The following KCNT2 variants were observed in gnomAD, a reference collection of about 807,000 sequenced individuals.
KCNT2 encodes potassium channel subfamily T member 2.
KCNT2 carries 67 observed loss-of-function variants against 153.8 expected under a neutral mutation model. The observed-to-expected ratio is 0.44, with a 90% CI of 0.36 to 0.53. The LOEUF (loss-of-function observed/expected upper bound fraction) is 0.53. Among genes scored for constraint, KCNT2 ranks in the 20% least tolerant of loss-of-function variants. The pLI, the probability that KCNT2 is intolerant of heterozygous loss-of-function variation, is 0.00. For synonymous variants in KCNT2, 500 were observed against 458.8 expected (o/e 1.09, Z -1.15); for missense variants, 975 against 1,354.8 (o/e 0.72, Z 4.40).
intron 1 of KCNT2, among the ~76,000 whole-genome samples, chr1:196,601,151 C>T (rs1410097883): frequency 1.3e-5 from 2 of 152,218 alleles, no homozygotes; most frequent in Non-Finnish European, 2.9e-5. Flanking sequence ...GCCTTTTAGG[C>T]AAGCTGCTCC....
intron 14 of KCNT2, among the ~76,000 whole-genome samples, chr1:196,343,868 C>T (rs754170271): frequency 2.0e-4 from 31 of 152,136 alleles, no homozygotes; most frequent in Non-Finnish European, 3.8e-4. Flanking sequence ...CAACCTCTGC[C>T]TCCTGGGTTC....
At chr1:196,322,059 C>T (rs1418545557) in intron 19 of KCNT2, among the ~76,000 whole-genome samples, 1 of 151,788 alleles carries the variant, frequency 6.6e-6, no homozygotes, top group Non-Finnish European at 1.5e-5. Flanking sequence ...AACTAGATGT[C>T]CTTTTCCTAC....
chr1:196,607,526 C>A (rs558772796), intron 1 of KCNT2, among the ~76,000 whole-genome samples: 329 of 151,140 alleles, frequency 2.2e-3, no homozygotes, highest in African/African-American at 7.3e-3. Flanking sequence ...TATTCTGTTT[C>A]AGTTAAAAAA....
intron 22 of KCNT2, among the ~76,000 whole-genome samples, chr1:196,291,896 T>A (rs936551024): frequency 2.6e-5 from 4 of 152,200 alleles, no homozygotes; most frequent in African/African-American, 9.6e-5. Flanking sequence ...CTTCGGAAGA[T>A]AAAATATTTA....
At chr1:196,284,277 A>ATATATATATATATATATG (rs1659439555) in intron 23 of KCNT2, among the ~76,000 whole-genome samples, 1 of 91,260 alleles carries the variant, frequency 1.1e-5, no homozygotes, top group African/African-American at 3.1e-5. Flanking sequence ...ATATATATAT[A>ATATATATATATATATATG]TAGTTCTAGT....
intron 22 of KCNT2, among the ~76,000 whole-genome samples, chr1:196,302,322 AT>A (rs937981705): frequency 3.9e-5 from 6 of 152,174 alleles, no homozygotes; most frequent in Admixed American, 2.0e-4. Context: ...AATATTACTG[AT>A]TAAAAAAAAA....
intron 12 of KCNT2, among the ~76,000 whole-genome samples, chr1:196,405,093 T>C (rs182120151): frequency 1.2e-4 from 18 of 151,346 alleles, no homozygotes; most frequent in Non-Finnish European, 1.5e-4. Flanking sequence ...ATAAATATCA[T>C]ATGAGAAATA....
At chr1:196,547,153 G>A (rs1032177700) in intron 1 of KCNT2, among the ~76,000 whole-genome samples, 2 of 152,042 alleles carry the variant, frequency 1.3e-5, no homozygotes, top group Non-Finnish European at 2.9e-5. Context: ...CTTGTGGAGA[G>A]AATAAAAATA....
intron 22 of KCNT2, among the ~76,000 whole-genome samples, chr1:196,292,042 A>G (rs919579711): frequency 4.6e-5 from 7 of 152,236 alleles, no homozygotes; most frequent in Non-Finnish European, 8.8e-5. Flanking sequence ...GAACATTTCT[A>G]ATTGACTACA....
intron 26 of KCNT2, among the ~76,000 whole-genome samples, chr1:196,251,349 T>C (rs749822523): frequency 4.6e-5 from 7 of 152,128 alleles, no homozygotes; most frequent in Non-Finnish European, 1.0e-4. Context: ...TAAAGTGTTT[T>C]TTTCCTCTAG....
chr1:196,566,003 G>A (rs1292554480), intron 1 of KCNT2, among the ~76,000 whole-genome samples: 2 of 151,740 alleles, frequency 1.3e-5, no homozygotes, highest in Non-Finnish European at 2.9e-5. Context: ...TCTGAGATGA[G>A]ATTATATATG....
At chr1:196,440,238 C>A (rs899562044) in intron 8 of KCNT2, among the ~76,000 whole-genome samples, 1 of 151,936 alleles carries the variant, frequency 6.6e-6, no homozygotes, top group Non-Finnish European at 1.5e-5. Flanking sequence ...TTAAACCCAT[C>A]ATTTTAAAGT....
chr1:196,397,016 T>C (rs921853895), intron 13 of KCNT2, among the ~76,000 whole-genome samples: 2 of 151,502 alleles, frequency 1.3e-5, no homozygotes, highest in African/African-American at 4.8e-5. Context: ...TATCCATTCA[T>C]AGAACACTTA....
chr1:196,479,185 A>G lies in KCNT2; in HGVS notation c.378T>C (p.Ser126=), dbSNP rs745997919. 3.0e-5 allele frequency: 46 copies of G among 1,543,118 alleles called. No homozygotes were observed. Among genetic ancestry groups the G allele is most frequent in the Non-Finnish European group, 4.0e-5 (45 of 1,119,376 alleles). ...LFETILLGYL[S]YKGNIWEQIL... ...GCTAATTAAAATAACTTACCTTATA[A>G]CTAAGATAACCAAGTAATATTGTTT... Residue 126 remains serine, a synonymous_variant, in exon 5 of 28, where the codon AGT becomes AGC. Coordinates refer to ENST00000294725, the MANE Select transcript of KCNT2 (RefSeq NM_198503.5).
chr1:196,356,706 C>T (rs970249607), intron 14 of KCNT2, among the ~76,000 whole-genome samples: 2 of 151,734 alleles, frequency 1.3e-5, no homozygotes, highest in Non-Finnish European at 2.9e-5. Flanking sequence ...AATCATATTG[C>T]TATTTTTAAT....
intron 14 of KCNT2, among the ~76,000 whole-genome samples, chr1:196,372,643 C>T (rs1386488140): frequency 2.0e-5 from 3 of 151,852 alleles, no homozygotes; most frequent in African/African-American, 4.8e-5. Context: ...ATTTATACTG[C>T]ATTAGCTAAT....
intron 1 of KCNT2, among the ~76,000 whole-genome samples, chr1:196,505,657 C>A (rs1380558426): frequency 2.6e-5 from 4 of 152,054 alleles, no homozygotes; most frequent in Non-Finnish European, 5.9e-5. Context: ...GGCATTGAAT[C>A]TATAAATTAC....
intron 1 of KCNT2, among the ~76,000 whole-genome samples, chr1:196,504,117 G>A (rs143683190): frequency 0.017 from 2,608 of 151,996 alleles, 80 homozygotes; most frequent in African/African-American, 0.059. Context: ...AAGTTTTAGG[G>A]TACATGTGCA....
intron 1 of KCNT2, among the ~76,000 whole-genome samples, chr1:196,545,205 G>A (rs538091581): frequency 3.3e-5 from 5 of 151,842 alleles, no homozygotes; most frequent in African/African-American, 9.7e-5. Flanking sequence ...GTCTAATCCC[G>A]CCAACATTTT....
Sources: allele counts gnomAD v4.1 joint callset (sites outside exome capture counted in the v4.1 genomes callset), GRCh38; gene constraint gnomAD v4.1.1; transcripts MANE v1.5; gene names NCBI Gene and HGNC (gene_info 2026-07-23, HGNC 2026-07-21).